The following KLHL13 variants were observed in gnomAD, a reference collection of about 807,000 sequenced individuals.
KLHL13 encodes the protein kelch-like protein 13.
In KLHL13, 10 loss-of-function variants were observed where a neutral mutation model predicts 37.1. The observed-to-expected ratio is 0.27, with a 90% CI of 0.17 to 0.46. KLHL13 has a LOEUF of 0.46. KLHL13 is among the 20% of genes least tolerant of loss of function. KLHL13 has a pLI of 1.00. For missense variants in KLHL13, 360 were observed against 509.3 expected (o/e 0.71, Z 2.82); for synonymous variants, 163 against 181.2 (o/e 0.90, Z 0.81).
intron 1 of KLHL13, among the ~76,000 whole-genome samples, chrX:118,048,827 T>C (rs1350848061): frequency 1.8e-5 from 2 of 111,551 alleles, no homozygotes; most frequent in Non-Finnish European, 3.8e-5. Context: ...TCAGAGCACA[T>C]ACCTGCCAAC....
At chrX:117,908,415 C>CTCA (rs1930719787) in intron 5 of KLHL13, among the ~76,000 whole-genome samples, 1 of 108,226 alleles carries the variant, frequency 9.2e-6, no homozygotes, top group Non-Finnish European at 1.9e-5. Flanking sequence ...CCAGACAGGC[C>CTCA]CTGGTGTGTG....
chrX:118,093,197 T>A (rs2055158749), intron 1 of KLHL13, among the ~76,000 whole-genome samples: 1 of 111,967 alleles, frequency 8.9e-6, no homozygotes, highest in South Asian at 3.7e-4. Context: ...TGTATAAACG[T>A]CTTAAATAAA....
intron 1 of KLHL13, among the ~76,000 whole-genome samples, chrX:118,083,287 T>C (rs747895855): frequency 9.0e-6 from 1 of 111,249 alleles, no homozygotes; most frequent in Non-Finnish European, 1.9e-5. Flanking sequence ...TGCCCTCGTG[T>C]TTACTGCAGC....
chrX:117,922,893 TTCTC>T (rs1411117696), intron 2 of KLHL13, among the ~76,000 whole-genome samples: 1 of 112,294 alleles, frequency 8.9e-6, no homozygotes, highest in Non-Finnish European at 1.9e-5. Flanking sequence ...CAAGACCTCA[TTCTC>T]TATATATCAT....
chrX:118,018,269 G>A (rs1007266206), intron 1 of KLHL13, among the ~76,000 whole-genome samples: 8 of 110,731 alleles, frequency 7.2e-5, no homozygotes, highest in African/African-American at 1.3e-4. Flanking sequence ...AATTTTCTTC[G>A]TGATATATAT....
intron 1 of KLHL13, among the ~76,000 whole-genome samples, chrX:118,093,427 T>G (rs955434551): frequency 8.9e-6 from 1 of 111,843 alleles, no homozygotes; most frequent in Admixed American, 9.5e-5. Flanking sequence ...GTAACACAAG[T>G]AGCAAATGAC....
At chrX:117,975,396 T>C (rs1302792069), upstream of KLHL13, among the ~76,000 whole-genome samples, 7 of 112,203 alleles carry the variant, frequency 6.2e-5, no homozygotes, top group East Asian at 1.7e-3. Flanking sequence ...TCTTTTTGTT[T>C]GTTTGCTTTT....
chrX:117,918,624 T>C (rs769692220), intron 4 of KLHL13, among the ~76,000 whole-genome samples: 1 of 111,921 alleles, frequency 8.9e-6, no homozygotes, highest in Non-Finnish European at 1.9e-5. Context: ...AAGTAAAATT[T>C]AAAGGTCTCA....
chrX:118,104,823 A>T (rs2055328226), intron 1 of KLHL13, among the ~76,000 whole-genome samples: 1 of 112,177 alleles, frequency 8.9e-6, no homozygotes, highest in Non-Finnish European at 1.9e-5. Context: ...AATTGTGGTG[A>T]CAGTTGCTCA....
exon 1 of KLHL13, chrX:117,973,177 A>G: frequency 1.1e-6 from 1 of 916,610 alleles, no homozygotes; most frequent in Non-Finnish European, 1.4e-6. Context: ...TTAAGCTTGC[A>G]ATACCATTGT....
chrX:118,089,622 G>A (rs376067789), intron 1 of KLHL13, among the ~76,000 whole-genome samples: 47 of 60,876 alleles, frequency 7.7e-4, no homozygotes, highest in East Asian at 1.3e-3. Context: ...GAAAGAAAGA[G>A]AAAGAAAGAA....
rs150648626 is a variant in KLHL13, at chrX:117,924,708, A to G, written c.241-4338T>C. Among the ~76,000 whole-genome samples, 886 of 110,548 alleles carry G rather than the reference A, an allele frequency of 8.0e-3. 1 individual carries two copies. Among genetic ancestry groups the G allele is most frequent in the Admixed American group, 0.015 (151 of 10,371 alleles). On this transcript the variant is annotated intron_variant, in intron 2 of 6. Coordinates refer to ENST00000262820, the Ensembl canonical transcript of KLHL13. ...ATCTCAACACTTATCTTAGTTCTCTACTTTTCTGTCTCTGTGCCTTGGGTT... is the reference window on the plus strand; with the variant it reads ...ATCTCAACACTTATCTTAGTTCTCTGCTTTTCTGTCTCTGTGCCTTGGGTT...
At chrX:118,070,318 C>T (rs2054844565) in intron 1 of KLHL13, among the ~76,000 whole-genome samples, 1 of 112,566 alleles carries the variant, frequency 8.9e-6, no homozygotes, top group Admixed American at 9.4e-5. Flanking sequence ...TTTGTTATTG[C>T]TCAGTTTTAA....
intron 1 of KLHL13, among the ~76,000 whole-genome samples, chrX:118,033,137 G>A (rs974817713): frequency 7.2e-5 from 8 of 111,307 alleles, no homozygotes; most frequent in Non-Finnish European, 1.3e-4. Flanking sequence ...AAAGTGAGGG[G>A]GGGGAATGGA....
At chrX:117,987,037 T>C (rs749666267) in intron 1 of KLHL13, among the ~76,000 whole-genome samples, 123 of 111,144 alleles carry the variant, frequency 1.1e-3, no homozygotes, top group African/African-American at 3.5e-3. Context: ...CAAACATGAA[T>C]TGTGAAGAGA....
chrX:118,074,325 T>C (rs2054905995), intron 1 of KLHL13, among the ~76,000 whole-genome samples: 1 of 112,103 alleles, frequency 8.9e-6, no homozygotes, highest in Non-Finnish European at 1.9e-5. Flanking sequence ...TGCATATTTA[T>C]GAGTCTGACC....
chrX:117,999,306 A>G (rs2053892660), intron 1 of KLHL13, among the ~76,000 whole-genome samples: 1 of 111,375 alleles, frequency 9.0e-6, no homozygotes, highest in Admixed American at 9.6e-5. Flanking sequence ...ATGTCCAACA[A>G]TGAGAGACTG....
At chrX:118,095,071 C>T (rs1246923790) in intron 1 of KLHL13, among the ~76,000 whole-genome samples, 1 of 111,499 alleles carries the variant, frequency 9.0e-6, no homozygotes, top group Non-Finnish European at 1.9e-5. Flanking sequence ...GGGCTAAATG[C>T]TCCAATTAAA....
chrX:118,108,890 T>C (rs1468661819), intron 1 of KLHL13, among the ~76,000 whole-genome samples: 4 of 111,718 alleles, frequency 3.6e-5, no homozygotes, highest in Non-Finnish European at 7.5e-5. Flanking sequence ...CACGGCAACC[T>C]TGAACTCCTG....
Sources: gnomAD v4.1 joint callset for allele counts (sites outside exome capture counted in the v4.1 genomes callset) on GRCh38, gnomAD v4.1.1 for gene constraint, MANE v1.5 for transcripts, NCBI Gene and HGNC (gene_info 2026-07-23, HGNC 2026-07-21) for gene names.